The following SUCLG2 variants were observed in gnomAD, a reference collection of about 807,000 sequenced individuals.
SUCLG2 encodes succinate-CoA ligase GDP-forming subunit beta.
SUCLG2 carries 42 observed loss-of-function variants against 47.9 expected under a neutral mutation model. That is an observed-to-expected ratio of 0.88 (90% confidence interval 0.69 to 1.14). SUCLG2 has a LOEUF of 1.14. Among genes scored for constraint, SUCLG2 ranks in the 50% most tolerant of loss-of-function variants. The pLI is 0.00. For missense variants in SUCLG2, 571 were observed against 525.9 expected (o/e 1.09, Z -0.84); for synonymous variants, 195 against 197.3 (o/e 0.99, Z 0.10).
At chr3:67,397,766 A>G (rs562939981) in intron 10 of SUCLG2, among the ~76,000 whole-genome samples, 1 of 152,208 alleles carries the variant, frequency 6.6e-6, no homozygotes, top group Non-Finnish European at 1.5e-5. Flanking sequence ...CTCAGTTGAA[A>G]CTATACTACA....
chr3:67,482,849 G>A (rs1033320259), intron 9 of SUCLG2, among the ~76,000 whole-genome samples: 1 of 152,122 alleles, frequency 6.6e-6, no homozygotes, highest in Non-Finnish European at 1.5e-5. Flanking sequence ...TGGATTTTCT[G>A]CTTGCTGTTT....
chr3:67,495,756 A>G (rs759337358), intron 9 of SUCLG2, 42 bp downstream of exon 9: 4 of 1,610,654 alleles, frequency 2.5e-6, no homozygotes, highest in Non-Finnish European at 2.5e-6. Context: ...ACGGTGAGAA[A>G]TTAAAACTGG....
intron 2 of SUCLG2, among the ~76,000 whole-genome samples, chr3:67,567,009 C>T (rs974928885): frequency 2.0e-5 from 3 of 152,082 alleles, no homozygotes; most frequent in Non-Finnish European, 4.4e-5. Flanking sequence ...CATGGCAAAA[C>T]CCATCCCTAC....
chr3:67,412,184 A>C (rs9823705), intron 9 of SUCLG2, among the ~76,000 whole-genome samples: 11,758 of 152,176 alleles, frequency 0.077, 504 homozygotes, highest in African/African-American at 0.11. Context: ...ATGACTGGAG[A>C]AAATTAGAAA....
intron 1 of SUCLG2, among the ~76,000 whole-genome samples, chr3:67,651,245 C>T (rs572554948): frequency 2.0e-5 from 3 of 152,262 alleles, no homozygotes; most frequent in South Asian, 2.1e-4. Flanking sequence ...GGTTTAAACC[C>T]CTGAAACCTC....
In SUCLG2 at chr3:67,400,796, G is replaced by A; in HGVS notation, c.1118C>T (p.Ala373Val). ...CCGGCAGGCTTTGGTGATCCCATTGGCAATGATGGCACAGTTGACGATACC... is the reference window on the plus strand; with the variant it reads ...CCGGCAGGCTTTGGTGATCCCATTGACAATGATGGCACAGTTGACGATACC... ...FGGIVNCAII[A>V]NGITKACREL... The change falls in exon 10 of 11, where the codon GCC becomes GTC. Residue 373 changes from alanine (A) to valine (V), a missense_variant. By Grantham distance (64) the Ala-to-Val change is moderately conservative. Transcript: ENST00000307227. 6.2e-7 allele frequency: 1 copy of A among 1,612,544 alleles called. No individual in the cohort carries two copies. Among genetic ancestry groups the A allele is most frequent in the South Asian group, 1.1e-5 (1 of 90,950 alleles).
chr3:67,507,800 A>T (rs1387249882), intron 7 of SUCLG2, among the ~76,000 whole-genome samples: 3 of 152,246 alleles, frequency 2.0e-5, no homozygotes, highest in African/African-American at 7.2e-5. Context: ...ACTGACTGTA[A>T]CAAGCTAGAC....
chr3:67,625,054 G>A (rs768983653), intron 1 of SUCLG2, among the ~76,000 whole-genome samples: 1 of 152,174 alleles, frequency 6.6e-6, no homozygotes, highest in Non-Finnish European at 1.5e-5. Context: ...GAAACATCAA[G>A]AAAGTTTTAT....
chr3:67,526,560 A>C (rs979511473), intron 4 of SUCLG2, among the ~76,000 whole-genome samples: 6 of 152,212 alleles, frequency 3.9e-5, no homozygotes, highest in African/African-American at 1.4e-4. Context: ...CAATTCACCA[A>C]CCACAATCTA....
At chr3:67,623,309 G>T (rs1700766531) in intron 1 of SUCLG2, among the ~76,000 whole-genome samples, 1 of 152,008 alleles carries the variant, frequency 6.6e-6, no homozygotes, top group East Asian at 1.9e-4. Context: ...GACCATACTG[G>T]CTAATACAGT....
intron 9 of SUCLG2, among the ~76,000 whole-genome samples, chr3:67,480,166 G>A (rs538839680): frequency 6.6e-6 from 1 of 152,246 alleles, no homozygotes; most frequent in East Asian, 1.9e-4. Context: ...CTCATGGTAT[G>A]TGAAACAGGA....
At chr3:67,373,264 A>AT (rs57090152), downstream of SUCLG2, among the ~76,000 whole-genome samples, 76,242 of 150,552 alleles carry the variant, frequency 0.51, 19,379 homozygotes, top group South Asian at 0.59. Context: ...TCTTAATGAC[A>AT]TTTTTTTTTT....
Position 67,543,001 on chromosome 3 carries a change from A to G in SUCLG2, c.227-13815T>C, listed in dbSNP as rs145248669. Among the ~76,000 whole-genome samples, 680 of 152,296 alleles carry G rather than the reference A, an allele frequency of 4.5e-3. 8 individuals carry two copies. The East Asian group carries it at 0.053, about 12-fold the overall frequency. The stretch of plus-strand genomic sequence containing the variant: ...ACATCTACAGAACTCTCCACCCCCA[A>G]TCAACAGAATATACATTCTTCTCAC... On this transcript the variant is annotated intron_variant, in intron 2 of 10. Coordinates refer to ENST00000307227, the MANE Select transcript of SUCLG2 (RefSeq NM_003848.4).
At chr3:67,513,325 C>T (rs1475705795) in intron 6 of SUCLG2, among the ~76,000 whole-genome samples, 4 of 152,234 alleles carry the variant, frequency 2.6e-5, no homozygotes, top group Admixed American at 2.6e-4. Flanking sequence ...ATTTTCTGCA[C>T]ATTAATCCCA....
intron 2 of SUCLG2, among the ~76,000 whole-genome samples, chr3:67,578,080 A>G (rs1203803829): frequency 6.6e-6 from 1 of 151,926 alleles, no homozygotes; most frequent in Non-Finnish European, 1.5e-5. Context: ...GATTTGGTCA[A>G]CATTTTTAAC....
chr3:67,429,751 G>A (rs1703426211), intron 9 of SUCLG2, among the ~76,000 whole-genome samples: 1 of 152,160 alleles, frequency 6.6e-6, no homozygotes, highest in African/African-American at 2.4e-5. Context: ...AGGGATGGAG[G>A]AAGATCTACC....
intron 9 of SUCLG2, among the ~76,000 whole-genome samples, chr3:67,428,717 A>G (rs1468267827): frequency 6.6e-6 from 1 of 152,204 alleles, no homozygotes; most frequent in Non-Finnish European, 1.5e-5. Flanking sequence ...ATATTAGACA[A>G]ATGGCTAACT....
intron 2 of SUCLG2, among the ~76,000 whole-genome samples, chr3:67,581,292 C>A (rs559862296): frequency 8.1e-4 from 124 of 152,242 alleles, no homozygotes; most frequent in African/African-American, 2.8e-3. Flanking sequence ...TAGTACCCAG[C>A]TATTTGTTAA....
In SUCLG2 at chr3:67,498,230, C is replaced by A. The variant is rs866472140; in HGVS notation, c.823G>T (p.Ala275Ser). 4 of 1,613,746 alleles carry A rather than the reference C, an allele frequency of 2.5e-6. No individual in the cohort carries two copies. The African/African-American group carries it at 4.0e-5, about 16-fold the overall frequency. Residue 275 changes from alanine to serine, a missense_variant, in exon 8 of 11, where the codon GCT becomes TCT. Physicochemically the swap from Ala to Ser is moderately conservative, Grantham distance 99. Transcript: ENST00000307227. ...NAEFRQKDIF[A>S]MDDKSENEPI... is the part of the protein sequence containing the mutation. ...TCATTCTCTGATTTGTCGTCCATAG[C>A]AAATATGTCTTTTTGTCGGAATTCT... is the stretch of plus-strand genomic sequence containing the variant.
Sources: allele counts gnomAD v4.1 joint callset (sites outside exome capture counted in the v4.1 genomes callset), GRCh38; gene constraint gnomAD v4.1.1; transcripts MANE v1.5; gene names NCBI Gene and HGNC (gene_info 2026-07-23, HGNC 2026-07-21).